Variants in PARVB observed in about 807,000 individuals in gnomAD.
PARVB encodes parvin beta, also known as beta-parvin.
Under a neutral mutation model 47.0 loss-of-function variants are expected in PARVB, and 46 were observed. The observed-to-expected ratio is 0.98, with a 90% CI of 0.77 to 1.25. The LOEUF (loss-of-function observed/expected upper bound fraction) is 1.25. Among genes scored for constraint, PARVB ranks in the 50% most tolerant of loss-of-function variants. PARVB has a pLI of 0.00. For missense variants in PARVB, 473 were observed against 471.6 expected (o/e 1.00, Z -0.03); for synonymous variants, 196 against 196.3 (o/e 1.00, Z 0.01).
chr22:44,126,689 CT>C (rs1391901294), intron 4 of PARVB, among the ~76,000 whole-genome samples: 1 of 152,194 alleles, frequency 6.6e-6, no homozygotes, highest in Non-Finnish European at 1.5e-5. Flanking sequence ...CCAATTGGTA[CT>C]TTGCTCCCTA....
chr22:44,026,921 G>A (rs1322506556), intron 1 of PARVB, among the ~76,000 whole-genome samples: 3 of 152,124 alleles, frequency 2.0e-5, no homozygotes, highest in African/African-American at 4.8e-5. Context: ...TTTTGGGAGG[G>A]ATGGTTGGGA....
At chr22:44,000,489 G>C (rs2050402770) in intron 2 of PARVB, among the ~76,000 whole-genome samples, 1 of 152,180 alleles carries the variant, frequency 6.6e-6, no homozygotes, top group African/African-American at 2.4e-5. Context: ...AAATACAGAT[G>C]AAATAGGCCG....
At chr22:44,003,612 C>T (rs549760578) in intron 2 of PARVB, among the ~76,000 whole-genome samples, 1 of 152,168 alleles carries the variant, frequency 6.6e-6, no homozygotes, top group Non-Finnish European at 1.5e-5. Context: ...ACTCCCAGGC[C>T]AGGGTCCTAG....
Position 44,170,110 on chromosome 22 carries a change from C to T in PARVB, c.*1432C>T, listed in dbSNP as rs2054251682. On this transcript the variant is annotated 3_prime_UTR_variant, in exon 13 of 13. Coordinates refer to ENST00000338758, the MANE Select transcript of PARVB (RefSeq NM_013327.5). ...TGATCTCCCAGGCTCAATTGATCCTCCCACCTCAGCCTCCCAAGTAGCGGG... is the reference window on the plus strand; with the variant it reads ...TGATCTCCCAGGCTCAATTGATCCTTCCACCTCAGCCTCCCAAGTAGCGGG... The T allele has an allele frequency of 7.1e-6, 1 of 140,548 alleles. No homozygotes were observed. Among genetic ancestry groups the T allele is most frequent in the East Asian group, 1.9e-4 (1 of 5,184 alleles). The allele number at this position is 140,548 out of a possible 1,614,324, so 8.7% of individuals were successfully genotyped here.
At chr22:44,122,570 G>GAGAGAGAGAGACACAGAGAC (rs2053089531) in intron 4 of PARVB, among the ~76,000 whole-genome samples, 1 of 82,702 alleles carries the variant, frequency 1.2e-5, no homozygotes, top group African/African-American at 5.1e-5. Context: ...GACAGAGAGA[G>GAGAGAGAGAGACACAGAGAC]AGAGAGAGAG....
intron 2 of PARVB, among the ~76,000 whole-genome samples, chr22:44,017,167 G>T (rs1348662997): frequency 2.6e-5 from 4 of 152,152 alleles, no homozygotes; most frequent in African/African-American, 9.7e-5. Context: ...GAGCCACCGT[G>T]CCTGGCCACC....
chr22:44,063,761 C>T (rs1340675435), intron 1 of PARVB, among the ~76,000 whole-genome samples: 1 of 152,100 alleles, frequency 6.6e-6, no homozygotes, highest in African/African-American at 2.4e-5. Flanking sequence ...GTCTGTGCCC[C>T]TTGGGATCAG....
intron 1 of PARVB, among the ~76,000 whole-genome samples, chr22:44,060,524 A>G (rs1204922467): frequency 6.6e-6 from 1 of 152,054 alleles, no homozygotes; most frequent in African/African-American, 2.4e-5. Context: ...CAGGTCAGGT[A>G]GTGGGGCAAC....
chr22:44,001,237 G>A (rs917263633), intron 2 of PARVB, among the ~76,000 whole-genome samples: 5 of 152,186 alleles, frequency 3.3e-5, no homozygotes, highest in African/African-American at 7.2e-5. Context: ...GTGACAGAGC[G>A]AGACTCCATC....
intron 10 of PARVB, chr22:44,151,870 C>G (rs2053818387): frequency 3.5e-6 from 1 of 288,332 alleles, no homozygotes; most frequent in South Asian, 4.9e-5. Context: ...AGGAGCTGTT[C>G]CTGGCCTCCC....
At chr22:44,084,098 G>C (rs1199147251) in intron 1 of PARVB, among the ~76,000 whole-genome samples, 1 of 152,212 alleles carries the variant, frequency 6.6e-6, no homozygotes, top group African/African-American at 2.4e-5. Flanking sequence ...ATAGTGGTAA[G>C]ATGATGGGAC....
At chr22:44,046,025 G>A (rs1454656571) in intron 1 of PARVB, among the ~76,000 whole-genome samples, 7 of 152,194 alleles carry the variant, frequency 4.6e-5, no homozygotes, top group Admixed American at 1.3e-4. Context: ...TTAACAACAC[G>A]AAGTCTGCCA....
chr22:44,045,290 G>T (rs1393921474), intron 1 of PARVB, among the ~76,000 whole-genome samples: 11 of 152,164 alleles, frequency 7.2e-5, no homozygotes, highest in African/African-American at 2.4e-5. Flanking sequence ...CATAAAATAT[G>T]CTAGTCACAG....
rs567179503 is a variant in PARVB, at chr22:44,011,472, G to A, written c.211+11799G>A. On this transcript the variant is annotated intron_variant, in intron 2 of 13. Coordinates refer to the PARVB transcript ENST00000406477. ...TACTTTATACAAAAGTTAGCCAGGC[G>A]TGGTGGTGCATGCCTGTAATCCCAG... Among the ~76,000 whole-genome samples, 27 of 152,050 alleles carry A rather than the reference G, an allele frequency of 1.8e-4. No homozygotes were observed. In the South Asian group the frequency reaches 4.8e-3, roughly 27 times the overall value.
At chr22:44,128,233 C>G (rs1192003792) in intron 4 of PARVB, among the ~76,000 whole-genome samples, 1 of 152,208 alleles carries the variant, frequency 6.6e-6, no homozygotes, top group African/African-American at 2.4e-5. Flanking sequence ...GCTGTGGGAG[C>G]TCCTGGCTGT....
In PARVB at chr22:44,125,527, G is replaced by A. The variant is rs1699024908; in HGVS notation, c.377-5960G>A. On this transcript the variant is annotated intron_variant, in intron 4 of 12. Transcript: ENST00000338758. The surrounding 1 kb of genome is among the most constrained non-coding windows in gnomAD (Gnocchi z 4.1). ...GCTCCTCTGGGGAGGCGACATCTGA[G>A]CACATGTCTGCACAGTGAGCTTGGG... Among the ~76,000 whole-genome samples the A allele has an allele frequency of 6.6e-6, 1 of 152,200 alleles. No homozygotes were observed. Among genetic ancestry groups the A allele is most frequent in the South Asian group, 2.1e-4 (1 of 4,828 alleles).
chr22:44,141,428 G>A (rs2053550387), intron 8 of PARVB: 1 of 152,194 alleles, frequency 6.6e-6, no homozygotes, highest in Non-Finnish European at 1.5e-5. Flanking sequence ...TCCAGTATGG[G>A]AGAAAGATGG....
intron 3 of PARVB, chr22:44,110,493 G>A (rs927309163): frequency 6.6e-6 from 1 of 152,124 alleles, no homozygotes; most frequent in Admixed American, 6.5e-5. Flanking sequence ...TTTGTAGTCA[G>A]GTGTGAAACA....
rs570324485 is a variant in PARVB, at chr22:44,140,213, G to A, written c.712+70G>A. 1.3e-5 allele frequency: 20 copies of A among 1,487,094 alleles called. No individual in the cohort carries two copies. In the Admixed American group the frequency reaches 2.3e-4, roughly 17 times the overall value. 92.1% of individuals were successfully genotyped at this position (1,487,094 alleles called of 1,614,324 possible). A position where few individuals can be genotyped will look rare whatever the true frequency, so the allele number is the denominator to read the frequency against. ...CTCCCCCAGGAAGCTCCCAGAGAGT[G>A]TACATGGTTATCTGGAGGGAGTGGG... On this transcript the variant is annotated intron_variant, in intron 8 of 12. Coordinates refer to ENST00000338758, the MANE Select transcript of PARVB (RefSeq NM_013327.5).
Sources: allele counts gnomAD v4.1 joint callset (sites outside exome capture counted in the v4.1 genomes callset), GRCh38; gene constraint gnomAD v4.1.1; non-coding constraint Gnocchi (gnomAD v3.1); transcripts MANE v1.5; gene names NCBI Gene and HGNC (gene_info 2026-07-23, HGNC 2026-07-21).